Variants in IPCEF1 observed in about 807,000 individuals in gnomAD.
IPCEF1 encodes interaction protein for cytohesin exchange factors 1.
Under a neutral mutation model 50.9 loss-of-function variants are expected in IPCEF1, and 31 were observed. The observed-to-expected ratio is 0.61, with a 90% CI of 0.46 to 0.82. IPCEF1 has a LOEUF of 0.82. Ranked by LOEUF, IPCEF1 falls within the 40% of genes least tolerant of loss-of-function variation. The pLI is 0.00. For missense variants in IPCEF1, 458 were observed against 514.0 expected, an observed-to-expected ratio of 0.89 and a Z score of 1.05; for synonymous variants, 181 against 192.0, an observed-to-expected ratio of 0.94 and a Z score of 0.47.
intron 5 of IPCEF1, among the ~76,000 whole-genome samples, chr6:154,235,510 G>A (rs184873026): frequency 1.4e-4 from 16 of 113,724 alleles, no homozygotes; most frequent in South Asian, 5.3e-4. Context: ...CAGCCTGGGC[G>A]ACAAGAGCAA....
intron 2 of IPCEF1, among the ~76,000 whole-genome samples, chr6:154,283,576 T>C (rs1468989753): frequency 6.6e-6 from 1 of 152,006 alleles, no homozygotes; most frequent in African/African-American, 2.4e-5. Flanking sequence ...CCAGCCTGGG[T>C]GACAGAGTGA....
rs1214059573 is a variant in IPCEF1 at position 154,159,431 on chromosome 6, T to C, written c.*397A>G. The C allele has an allele frequency of 3.4e-5, 7 of 208,138 alleles. No individual in the cohort carries two copies. Among genetic ancestry groups the C allele is most frequent in the South Asian group, 1.6e-4 (2 of 12,416 alleles). 12.9% of individuals were successfully genotyped at this position (208,138 alleles called of 1,614,324 possible). On this transcript the variant is annotated 3_prime_UTR_variant, in exon 12 of 12. Coordinates refer to ENST00000367220, the MANE Select transcript of IPCEF1 (RefSeq NM_001130700.2). Reference sequence around the variant, plus strand: ...CACAGCTTCCCAGTCAAGTGGAATATGTACATTCTTCTTTTGAAAAACAGA... The same window carrying C: ...CACAGCTTCCCAGTCAAGTGGAATACGTACATTCTTCTTTTGAAAAACAGA...
chr6:154,316,179 C>T (rs1783212807), intron 1 of IPCEF1, among the ~76,000 whole-genome samples: 1 of 150,480 alleles, frequency 6.6e-6, no homozygotes, highest in South Asian at 2.1e-4. Flanking sequence ...ATTCTTAACC[C>T]TCACTTTAGG....
chr6:154,319,980 C>T (rs1010770602), intron 1 of IPCEF1, among the ~76,000 whole-genome samples: 21 of 152,150 alleles, frequency 1.4e-4, no homozygotes, highest in African/African-American at 3.1e-4. Context: ...ATTTTAGACA[C>T]GAGCATTTTT....
intron 10 of IPCEF1, among the ~76,000 whole-genome samples, chr6:154,186,197 C>T (rs1801328298): frequency 6.6e-6 from 1 of 152,218 alleles, no homozygotes; most frequent in African/African-American, 2.4e-5. Context: ...ACTTCTCTAC[C>T]TGGATTTCTG....
At chr6:154,176,800 A>C (rs2128562373) in intron 10 of IPCEF1, among the ~76,000 whole-genome samples, 1 of 152,296 alleles carries the variant, frequency 6.6e-6, no homozygotes, top group East Asian at 1.9e-4. Context: ...ACAGAATTGG[A>C]AAAAACTACT....
chr6:154,181,547 A>C (rs1411633575), intron 10 of IPCEF1, among the ~76,000 whole-genome samples: 1 of 152,240 alleles, frequency 6.6e-6, no homozygotes. Flanking sequence ...AAGTCAGTGA[A>C]GACTATATAT....
At chr6:154,236,910 T>C (rs1780180062) in intron 5 of IPCEF1, among the ~76,000 whole-genome samples, 1 of 152,222 alleles carries the variant, frequency 6.6e-6, no homozygotes, top group Non-Finnish European at 1.5e-5. Context: ...TGCCTTTTCC[T>C]TGCATCTTTT....
At chr6:154,228,181 G>A (rs567474981) in intron 5 of IPCEF1, among the ~76,000 whole-genome samples, 18 of 151,842 alleles carry the variant, frequency 1.2e-4, no homozygotes, top group African/African-American at 4.1e-4. Context: ...GTTTCCTGCA[G>A]GCAGCCAAGC....
At chr6:154,250,390 A>C (rs1024264283) in intron 3 of IPCEF1, among the ~76,000 whole-genome samples, 4 of 152,240 alleles carry the variant, frequency 2.6e-5, no homozygotes, top group African/African-American at 9.6e-5. Context: ...TCCAGTTTGA[A>C]TGTTATAGGT....
chr6:154,199,841 T>C lies in IPCEF1; in HGVS notation c.737A>G (p.His246Arg), dbSNP rs763583426. The C allele has an allele frequency of 8.7e-6, 14 of 1,614,076 alleles. No homozygotes were observed. The South Asian group carries it at 1.3e-4, about 15-fold the overall frequency. ...GQPITFAVQV[H>R]SPVPSEAGIH... Reference sequence around the variant, plus strand: ...GCCTGCCTCTGAGGGTACAGGTGAATGAACTTGCACAGCAAACGTTATTGG... The same window carrying C: ...GCCTGCCTCTGAGGGTACAGGTGAACGAACTTGCACAGCAAACGTTATTGG... The change falls in exon 10 of 12, where the codon CAT becomes CGT. Residue 246 changes from histidine (H) to arginine (R), a missense_variant. Transcript: ENST00000367220.
intron 9 of IPCEF1, among the ~76,000 whole-genome samples, chr6:154,208,460 G>A (rs1251356541): frequency 2.0e-5 from 3 of 152,074 alleles, no homozygotes; most frequent in Admixed American, 2.0e-4. Flanking sequence ...TGACTCACTG[G>A]ACTCCACTTC....
intron 1 of IPCEF1, among the ~76,000 whole-genome samples, chr6:154,334,117 A>C (rs927365459): frequency 2.0e-5 from 3 of 152,200 alleles, no homozygotes; most frequent in Admixed American, 1.3e-4. Flanking sequence ...TATGGGGTAG[A>C]TGGGTCAGAT....
intron 1 of IPCEF1, among the ~76,000 whole-genome samples, chr6:154,347,632 A>T (rs1208885352): frequency 6.6e-6 from 1 of 152,186 alleles, no homozygotes. Context: ...GCCATTAAAG[A>T]CTACTTTTTC....
intron 5 of IPCEF1, among the ~76,000 whole-genome samples, chr6:154,229,234 C>T (rs562993339): frequency 6.6e-6 from 1 of 151,862 alleles, no homozygotes; most frequent in East Asian, 1.9e-4. Context: ...GGAATAAATA[C>T]ATGTGAAATA....
chr6:154,194,290 T>C (rs1344319047), intron 10 of IPCEF1, among the ~76,000 whole-genome samples: 1 of 152,134 alleles, frequency 6.6e-6, no homozygotes, highest in African/African-American at 2.4e-5. Flanking sequence ...TCCCAGCTAC[T>C]TGGGAGGCTG....
intron 1 of IPCEF1, among the ~76,000 whole-genome samples, chr6:154,301,200 T>C (rs1782786626): frequency 6.6e-6 from 1 of 152,212 alleles, no homozygotes; most frequent in African/African-American, 2.4e-5. Flanking sequence ...TAGTCTATGG[T>C]CTACATGTGT....
chr6:154,199,623 C>A (rs1776910977), intron 10 of IPCEF1, 45 bp downstream of exon 10: 2 of 1,512,142 alleles, frequency 1.3e-6, no homozygotes, highest in African/African-American at 2.8e-5. Flanking sequence ...CATATACAAA[C>A]AAATATTCAC....
At chr6:154,180,477 G>C (rs1040131328) in intron 10 of IPCEF1, among the ~76,000 whole-genome samples, 1 of 147,448 alleles carries the variant, frequency 6.8e-6, no homozygotes, top group Non-Finnish European at 1.5e-5. Context: ...AACATTTTTA[G>C]CCAACAGTTA....
Sources: gnomAD v4.1 joint callset for allele counts (sites outside exome capture counted in the v4.1 genomes callset) on GRCh38, gnomAD v4.1.1 for gene constraint, MANE v1.5 for transcripts, NCBI Gene and HGNC (gene_info 2026-07-23, HGNC 2026-07-21) for gene names.